The following TYR variants were observed in gnomAD, a reference collection of about 807,000 sequenced individuals.
The protein encoded by TYR is tyrosinase, also known as LB24-AB.
TYR carries 58 observed loss-of-function variants against 51.5 expected under a neutral mutation model. The observed-to-expected ratio is 1.13, with a 90% CI of 0.91 to 1.40. TYR has a LOEUF of 1.40. Among genes scored for constraint, TYR ranks in the 40% most tolerant of loss-of-function variants. TYR has a pLI of 0.00. For missense variants in TYR, 732 were observed against 647.4 expected, an observed-to-expected ratio of 1.13 and a Z score of -1.42; for synonymous variants, 263 against 235.2, an observed-to-expected ratio of 1.12 and a Z score of -1.08.
At chr11:89,229,762 T>C (rs1324263726) in intron 3 of TYR, among the ~76,000 whole-genome samples, 1 of 151,606 alleles carries the variant, frequency 6.6e-6, no homozygotes, top group Non-Finnish European at 1.5e-5. Flanking sequence ...ATGAACTATC[T>C]CAAAAAGAAA....
At chr11:89,289,461 A>C (rs1944831904) in intron 4 of TYR, among the ~76,000 whole-genome samples, 1 of 151,954 alleles carries the variant, frequency 6.6e-6, no homozygotes, top group African/African-American at 2.4e-5. Flanking sequence ...TCTGGGGTGC[A>C]TTCCCTGACT....
Position 89,295,560 on chromosome 11 carries a change from C to A in TYR, c.*194C>A. On this transcript the variant is annotated 3_prime_UTR_variant, in exon 5 of 5. Transcript: ENST00000263321. Reference sequence around the variant, plus strand: ...CTTTGTCTTGCTGTTTTCACTCAGCCCTTTTAACATTTTCCCCTAAGCCCA... The same window carrying A: ...CTTTGTCTTGCTGTTTTCACTCAGCACTTTTAACATTTTCCCCTAAGCCCA... The A allele has an allele frequency of 1.5e-6, 1 of 665,898 alleles. No individual in the cohort carries two copies. 41.2% of individuals were successfully genotyped at this position (665,898 alleles called of 1,614,324 possible). A position where few individuals can be genotyped will look rare whatever the true frequency, so the allele number is the denominator to read the frequency against.
At chr11:89,209,983 A>C (rs988523137) in intron 2 of TYR, among the ~76,000 whole-genome samples, 1 of 152,202 alleles carries the variant, frequency 6.6e-6, no homozygotes, top group Non-Finnish European at 1.5e-5. Context: ...TCAAAGACCA[A>C]AGGTAGATAA....
chr11:89,286,554 A>G (rs562819267), intron 4 of TYR, among the ~76,000 whole-genome samples: 1 of 151,764 alleles, frequency 6.6e-6, no homozygotes. Context: ...CAGGCCACTT[A>G]CCTAGTATAT....
chr11:89,213,097 G>C (rs1943783161), intron 2 of TYR, among the ~76,000 whole-genome samples: 1 of 152,042 alleles, frequency 6.6e-6, no homozygotes, highest in Non-Finnish European at 1.5e-5. Context: ...AGGACAATCA[G>C]GCAAGAGAAA....
Position 89,191,200 on chromosome 11 carries a change from A to C in TYR, c.820-2A>C, listed in dbSNP as rs1304451467. On this transcript the variant is annotated splice_acceptor_variant, in intron 1 of 4. Transcript: ENST00000263321. LOFTEE classifies it high-confidence loss of function. ...TGTTTAACATGAGGGTGTTTTGTAC[A>C]GATTGTCTGTAGCCGATTGGAGGAG... 1.2e-6 allele frequency: 2 copies of C among 1,613,232 alleles called. No individual in the cohort carries two copies. Among genetic ancestry groups the C allele is most frequent in the Admixed American group, 3.3e-5 (2 of 59,872 alleles).
chr11:89,184,557 A>G (rs571684456), intron 1 of TYR, among the ~76,000 whole-genome samples: 47 of 152,312 alleles, frequency 3.1e-4, no homozygotes, highest in Non-Finnish European at 4.4e-4. Flanking sequence ...ATATGGCCCT[A>G]AGACAAGTCA....
intron 3 of TYR, among the ~76,000 whole-genome samples, chr11:89,238,077 C>A (rs916919783): frequency 6.6e-6 from 1 of 152,038 alleles, no homozygotes; most frequent in African/African-American, 2.4e-5. Context: ...CTCAAGTGAT[C>A]CACTCGTCTC....
chr11:89,255,488 C>T (rs1321520498), intron 3 of TYR, among the ~76,000 whole-genome samples: 1 of 151,670 alleles, frequency 6.6e-6, no homozygotes, highest in Non-Finnish European at 1.5e-5. Context: ...TGGCAATATT[C>T]CTTTCTTAAA....
intron 2 of TYR, among the ~76,000 whole-genome samples, chr11:89,213,007 G>A (rs188999635): frequency 1.5e-4 from 23 of 152,248 alleles, no homozygotes; most frequent in Middle Eastern, 3.4e-3. Flanking sequence ...AAAACTGGAA[G>A]CATTCCCTTT....
intron 4 of TYR, among the ~76,000 whole-genome samples, chr11:89,286,589 G>A (rs1366502795): frequency 1.3e-5 from 2 of 151,722 alleles, no homozygotes; most frequent in Admixed American, 1.3e-4. Context: ...ACAATTTGGG[G>A]CTAACAGGAG....
intron 1 of TYR, among the ~76,000 whole-genome samples, chr11:89,185,531 G>A (rs1943360154): frequency 6.6e-6 from 1 of 152,128 alleles, no homozygotes; most frequent in Admixed American, 6.5e-5. Flanking sequence ...GAAAATAAAT[G>A]TGTCTTCATG....
At chr11:89,198,493 G>C (rs1040865427) in intron 2 of TYR, among the ~76,000 whole-genome samples, 1 of 151,944 alleles carries the variant, frequency 6.6e-6, no homozygotes, top group Non-Finnish European at 1.5e-5. Context: ...TAATCCCCCA[G>C]ATTTACCACC....
chr11:89,218,910 G>A (rs1943871195), intron 2 of TYR, among the ~76,000 whole-genome samples: 1 of 152,292 alleles, frequency 6.6e-6, no homozygotes, highest in South Asian at 2.1e-4. Flanking sequence ...GCAGTTAAGA[G>A]TTGGACTACC....
At chr11:89,278,883 ACTTT>A in intron 3 of TYR, among the ~76,000 whole-genome samples, 1 of 151,566 alleles carries the variant, frequency 6.6e-6, no homozygotes, top group East Asian at 1.9e-4. Flanking sequence ...AGTTTTTCAG[ACTTT>A]CTTTGTTTTT....
chr11:89,231,857 C>T (rs1356965183), intron 3 of TYR, among the ~76,000 whole-genome samples: 2 of 139,732 alleles, frequency 1.4e-5, no homozygotes, highest in Non-Finnish European at 1.5e-5. Flanking sequence ...TGGTGGTGTG[C>T]GCTTGTGATC....
chr11:89,208,576 T>C (rs950022851), intron 2 of TYR, among the ~76,000 whole-genome samples: 1 of 152,224 alleles, frequency 6.6e-6, no homozygotes, highest in Non-Finnish European at 1.5e-5. Context: ...CTTTGTTTTC[T>C]GCCAATTTGA....
At chr11:89,292,577 G>A (rs1266043180) in intron 4 of TYR, among the ~76,000 whole-genome samples, 2 of 152,012 alleles carry the variant, frequency 1.3e-5, no homozygotes, top group Non-Finnish European at 2.9e-5. Flanking sequence ...GCTTTTTAAA[G>A]TAATGTAAAA....
chr11:89,189,285 T>G (rs1395996287), intron 1 of TYR, among the ~76,000 whole-genome samples: 1 of 152,062 alleles, frequency 6.6e-6, no homozygotes, highest in Non-Finnish European at 1.5e-5. Flanking sequence ...AATGAAACAA[T>G]GCATGTGCCG....
Sources: gnomAD v4.1 joint callset for allele counts (sites outside exome capture counted in the v4.1 genomes callset) on GRCh38, gnomAD v4.1.1 for gene constraint, MANE v1.5 for transcripts, NCBI Gene and HGNC (gene_info 2026-07-23, HGNC 2026-07-21) for gene names.